Variants in ZNF208 observed in about 807,000 individuals in gnomAD.
ZNF208 encodes the protein zinc finger protein 208.
ZNF208 carries 10 observed loss-of-function variants against 12.1 expected under a neutral mutation model. That is an observed-to-expected ratio of 0.83 (90% CI 0.51 to 1.40). ZNF208 has a LOEUF of 1.40. ZNF208 is among the 40% of genes most tolerant of loss of function. The pLI is 0.00. For synonymous variants in ZNF208, 497 were observed against 488.4 expected, an observed-to-expected ratio of 1.02 and a Z score of -0.23; for missense variants, 1,652 against 1,485.0, an observed-to-expected ratio of 1.11 and a Z score of -1.85.
downstream of ZNF208, among the ~76,000 whole-genome samples, chr19:21,961,516 G>A (rs1297480903): frequency 2.6e-5 from 4 of 152,108 alleles, no homozygotes; most frequent in Admixed American, 1.3e-4. Context: ...AATTGGGTTC[G>A]AGAGCAGAGA....
chr19:22,003,106 A>G (rs1234481197), intron 1 of ZNF208, among the ~76,000 whole-genome samples: 2 of 152,204 alleles, frequency 1.3e-5, no homozygotes, highest in Admixed American at 1.3e-4. Context: ...AGAATTTCCT[A>G]TTTAATAAAT....
chr19:21,984,239 C>T (rs923420554), intron 3 of ZNF208, among the ~76,000 whole-genome samples: 2 of 151,932 alleles, frequency 1.3e-5, no homozygotes, highest in Admixed American at 6.6e-5. Context: ...CAGTATACAA[C>T]AAAAATAGAA....
At chr19:21,979,342 C>T (rs1970492735) in intron 3 of ZNF208, among the ~76,000 whole-genome samples, 2 of 152,098 alleles carry the variant, frequency 1.3e-5, no homozygotes. Context: ...GTCGGGTTAC[C>T]CATAAAGGGA....
At chr19:21,965,818 TC>T (rs1970153970), downstream of ZNF208, 1 of 151,844 alleles carries the variant, frequency 6.6e-6, no homozygotes, top group Admixed American at 6.6e-5. Context: ...AAATGATTAA[TC>T]CAATTACATT....
chr19:21,993,511 C>G (rs1437297150), intron 1 of ZNF208, among the ~76,000 whole-genome samples: 1 of 151,934 alleles, frequency 6.6e-6, no homozygotes, highest in Admixed American at 6.6e-5. Flanking sequence ...GAAGCCTGGG[C>G]TGATAACTCC....
intron 3 of ZNF208, among the ~76,000 whole-genome samples, chr19:21,982,133 G>A (rs2145560826): frequency 6.6e-6 from 1 of 152,096 alleles, no homozygotes; most frequent in Middle Eastern, 3.4e-3. Flanking sequence ...CGAGACGGGT[G>A]GATCATGAGG....
At chr19:21,982,039 A>G (rs969297227) in intron 3 of ZNF208, among the ~76,000 whole-genome samples, 4 of 152,150 alleles carry the variant, frequency 2.6e-5, no homozygotes, top group Non-Finnish European at 5.9e-5. Flanking sequence ...TGCTCAAGAA[A>G]ATAAGAGAGG....
At chr19:22,001,917 A>AAAAAAAAAAAAAAAAAG (rs1970959917) in intron 1 of ZNF208, among the ~76,000 whole-genome samples, 1 of 138,344 alleles carries the variant, frequency 7.2e-6, no homozygotes, top group Non-Finnish European at 1.6e-5. Context: ...AAAAAAAAAA[A>AAAAAAAAAAAAAAAAAG]AAAAGAAAAA....
chr19:21,942,002 A>T (rs1266955846), intron 4 of ZNF208, among the ~76,000 whole-genome samples: 1 of 152,186 alleles, frequency 6.6e-6, no homozygotes, highest in Non-Finnish European at 1.5e-5. Flanking sequence ...ATGTGACATT[A>T]ATACCTCTAC....
chr19:21,977,730 A>G (rs1970460299), intron 3 of ZNF208, among the ~76,000 whole-genome samples: 2 of 152,162 alleles, frequency 1.3e-5, no homozygotes, highest in Non-Finnish European at 2.9e-5. Context: ...CCAGTAAGAC[A>G]GAACCGTTCA....
In ZNF208 at chr19:21,973,744, A is replaced by T. The variant is rs747961743; in HGVS notation, c.1290T>A (p.Cys430Ter). ...TGEKPYKCEE[C>*]GKAFNWSSNL... Reference sequence around the variant, plus strand: ...TTGAGGACCAGTTGAAAGCTTTGCCACATTCTTCACATTTGTAGGGTTTCT... The same window carrying T: ...TTGAGGACCAGTTGAAAGCTTTGCCTCATTCTTCACATTTGTAGGGTTTCT... The change falls in exon 4 of 4, where the codon TGT becomes TGA. Residue 430 changes from cysteine to a stop codon, truncating the protein, a stop_gained. Coordinates refer to ENST00000397126, the MANE Select transcript of ZNF208 (RefSeq NM_007153.3). LOFTEE classifies it low-confidence loss of function (END_TRUNC). 1.9e-6 allele frequency: 3 copies of T among 1,613,366 alleles called. No individual in the cohort carries two copies. The highest frequency in any genetic ancestry group is 2.5e-6 in the Non-Finnish European group (3 of 1,179,720).
chr19:21,959,686 T>C (rs1970033709), intron 4 of ZNF208, among the ~76,000 whole-genome samples: 1 of 152,204 alleles, frequency 6.6e-6, no homozygotes, highest in Admixed American at 6.5e-5. Context: ...TTACACTGCA[T>C]GGTCTACAAC....
intron 3 of ZNF208, among the ~76,000 whole-genome samples, chr19:21,985,174 G>C (rs1970612576): frequency 6.6e-6 from 1 of 152,156 alleles, no homozygotes; most frequent in Non-Finnish European, 1.5e-5. Flanking sequence ...GTATGAGATA[G>C]AGAGATATAA....
intron 4 of ZNF208, among the ~76,000 whole-genome samples, chr19:21,954,421 G>A (rs1428732239): frequency 6.6e-6 from 1 of 152,152 alleles, no homozygotes; most frequent in African/African-American, 2.4e-5. Context: ...TCTGTCTAAT[G>A]TTGAGACTGT....
rs531019334 is a variant in ZNF208 at position 21,974,078 on chromosome 19, C to T, written c.956G>A (p.Gly319Asp). ...GGTTGAGACCTTACTGAAGGCTTTG[C>T]CACATTCTTTACATTTGTAGGGCTT... ...GEKPYKCKEC[G>D]KAFSKVSTLI... The change falls in exon 4 of 4, where the codon GGC becomes GAC. Residue 319 changes from glycine to aspartate, a missense_variant. Physicochemically the swap from Gly to Asp is moderately conservative, Grantham distance 94. Transcript: ENST00000397126. The T allele has an allele frequency of 1.2e-5, 18 of 1,530,756 alleles. 1 individual carries two copies. Among genetic ancestry groups the T allele is most frequent in the Middle Eastern group, 1.7e-4 (1 of 5,720 alleles). 94.8% of individuals were successfully genotyped at this position (1,530,756 alleles called of 1,614,324 possible).
intron 1 of ZNF208, among the ~76,000 whole-genome samples, chr19:21,992,048 A>T (rs1970748359): frequency 1.3e-5 from 2 of 152,102 alleles, no homozygotes; most frequent in Non-Finnish European, 2.9e-5. Flanking sequence ...TTGTAAACAA[A>T]GATGAGAGGT....
downstream of ZNF208, chr19:21,966,050 C>T (rs571201284): frequency 6.6e-6 from 1 of 152,030 alleles, no homozygotes; most frequent in South Asian, 2.1e-4. Context: ...TCTTTCACCC[C>T]TAATTTCAAC....
intron 2 of ZNF208, among the ~76,000 whole-genome samples, chr19:21,988,257 C>T (rs548163750): frequency 6.6e-6 from 1 of 152,030 alleles, no homozygotes; most frequent in South Asian, 2.1e-4. Flanking sequence ...AAATAGAAAT[C>T]TGAAAGCATA....
chr19:21,944,637 A>G (rs1969789163), intron 4 of ZNF208, among the ~76,000 whole-genome samples: 1 of 152,210 alleles, frequency 6.6e-6, no homozygotes, highest in Non-Finnish European at 1.5e-5. Flanking sequence ...ATTTTTAGTT[A>G]ATAATGAAGA....
Sources: allele counts gnomAD v4.1 joint callset (sites outside exome capture counted in the v4.1 genomes callset), GRCh38; gene constraint gnomAD v4.1.1; transcripts MANE v1.5; gene names NCBI Gene and HGNC (gene_info 2026-07-23, HGNC 2026-07-21).